FAT1: variants seen among roughly 807,000 people sequenced by gnomAD.
FAT1 encodes FAT atypical cadherin 1, also known as protocadherin Fat 1.
FAT1 carries 171 observed loss-of-function variants against 329.8 expected under a neutral mutation model. The observed-to-expected ratio is 0.52, with a 90% CI of 0.46 to 0.59. FAT1 has a LOEUF of 0.59. Among genes scored for constraint, FAT1 ranks in the 20% least tolerant of loss-of-function variants. The probability of loss-of-function intolerance (pLI) is 0.00; values close to 1 mark genes in which losing one functional copy is unlikely to be tolerated. For missense variants in FAT1, 5,672 were observed against 5,774.4 expected (o/e 0.98, Z 0.57); for synonymous variants, 2,233 against 2,228.6 (o/e 1.00, Z -0.06).
Position 186,609,790 on chromosome 4 carries a change from A to C in FAT1, c.10068+11T>G. The C allele has an allele frequency of 6.3e-7, 1 of 1,597,122 alleles. No individual in the cohort carries two copies. The highest frequency in any genetic ancestry group is 8.6e-7 in the Non-Finnish European group (1 of 1,164,590). ...ACACAGTTTTCACTGTAATGGGGAAAAAATACACACCGTGATGACAGACTG... is the reference window on the plus strand; with the variant it reads ...ACACAGTTTTCACTGTAATGGGGAACAAATACACACCGTGATGACAGACTG... On this transcript the variant is annotated intron_variant, in intron 15 of 26. Coordinates refer to ENST00000441802, the MANE Select transcript of FAT1 (RefSeq NM_005245.4).
intron 2 of FAT1, among the ~76,000 whole-genome samples, chr4:186,681,157 T>C (rs539346625): frequency 3.6e-4 from 55 of 152,314 alleles, no homozygotes; most frequent in Admixed American, 1.8e-3. Flanking sequence ...TAATCAACCA[T>C]CCTTACAGCA....
rs777409127 is a variant in FAT1, at chr4:186,620,412, C to T, written c.6174G>A (p.Lys2058=). The change falls in exon 10 of 27, where the codon AAG becomes AAA. Residue 2058 remains lysine (K), a synonymous_variant. Coordinates refer to ENST00000441802, the MANE Select transcript of FAT1 (RefSeq NM_005245.4). ...CGACAACGTGGGCCACTGCAGAAGG[C>T]TTATGTTCCTCTGTCACTTCTACAA... The part of the protein sequence containing the change: ...DVVVEVTEEH[K]PSAVAHVVVK... 4.0e-5 allele frequency: 65 copies of T among 1,613,934 alleles called. No homozygotes were observed. The highest frequency in any genetic ancestry group is 5.0e-5 in the Non-Finnish European group (59 of 1,179,908).
intron 3 of FAT1, among the ~76,000 whole-genome samples, chr4:186,659,274 G>A (rs1560972528): frequency 1.3e-5 from 2 of 152,162 alleles, no homozygotes; most frequent in Admixed American, 1.3e-4. Flanking sequence ...AAAATCGCCT[G>A]ATGACACGTT....
intron 16 of FAT1, 43 bp from the exon 17 acceptor site, chr4:186,606,256 C>T (rs1396065174): frequency 6.2e-7 from 1 of 1,605,278 alleles, no homozygotes; most frequent in Admixed American, 1.7e-5. Context: ...TTTCACAAGG[C>T]CGACAGAGCT....
chr4:186,619,760 T>C lies in FAT1; in HGVS notation c.6826A>G (p.Ile2276Val), dbSNP rs746051277. 6.8e-6 allele frequency: 11 copies of C among 1,613,918 alleles called. No homozygotes were observed. The highest frequency in any genetic ancestry group is 1.1e-5 in the South Asian group (1 of 91,084). ...EVFVDIIVDD[I>V]NDNPPVFAQQ... Reference sequence around the variant, plus strand: ...GCAAACACAGGAGGGTTATCATTGATGTCGTCTACTATGATGTCCACAAAT... The same window carrying C: ...GCAAACACAGGAGGGTTATCATTGACGTCGTCTACTATGATGTCCACAAAT... Residue 2276 changes from isoleucine to valine, a missense_variant, in exon 10 of 27, where the codon ATC becomes GTC. Around this residue, in one of 2 missense-constraint regions of FAT1, gnomAD observed 3,966 missense variants for 3,915.2 expected, o/e 1.01. Coordinates refer to ENST00000441802, the MANE Select transcript of FAT1 (RefSeq NM_005245.4).
chr4:186,613,147 G>A lies in FAT1; in HGVS notation c.9425C>T (p.Thr3142Met), dbSNP rs753059895. ...TGTGGCCTGCACTCTTGTCAGCAGC[G>A]TTCCCGGCTCTGTGTTTTCAAACAC... The part of the protein sequence containing the change: ...ITVFENTEPG[T>M]LLTRVQATDA... The change falls in exon 13 of 27, where the codon ACG (threonine) becomes ATG (methionine). Residue 3142 changes from threonine to methionine, a missense_variant. By Grantham distance (81) the Thr-to-Met change is moderately conservative (BLOSUM62 -1). Coordinates refer to ENST00000441802, the MANE Select transcript of FAT1 (RefSeq NM_005245.4). The A allele has an allele frequency of 2.8e-5, 45 of 1,613,156 alleles. No individual in the cohort carries two copies. The highest frequency in any genetic ancestry group is 3.3e-5 in the Non-Finnish European group (39 of 1,179,836).
At position 186,615,143 on chromosome 4, in the gene FAT1, T is replaced by G. The variant is rs182258639; in HGVS notation, c.9076-799A>C. Among the ~76,000 whole-genome samples the G allele has an allele frequency of 3.0e-4, 45 of 152,146 alleles. No individual in the cohort carries two copies. In the East Asian group the frequency reaches 7.3e-3, roughly 25 times the overall value. On this transcript the variant is annotated intron_variant, in intron 11 of 26. Coordinates refer to ENST00000441802, the MANE Select transcript of FAT1 (RefSeq NM_005245.4). ...ATTTAAAGGATCTAGTGTCCCAGTC[T>G]TATTCCTGAAGATGATAGAGTATTG...
At position 186,603,837 on chromosome 4, in the gene FAT1, G is replaced by A. The variant is rs779298419; in HGVS notation, c.10689C>T (p.Val3563=). ...GGTCTGTGGCATGGATCTTCCCAAT[G>A]ACGCCACCTGAGTATTCTTCTCCAG... is the stretch of plus-strand genomic sequence containing the variant. ...TSSGEEYSGG[V]IGKIHATDQD... Residue 3563 remains valine (V), a synonymous_variant, in exon 19 of 27, where the codon GTC becomes GTT. Coordinates refer to ENST00000441802, the MANE Select transcript of FAT1 (RefSeq NM_005245.4). 3.1e-6 allele frequency: 5 copies of A among 1,613,930 alleles called. No homozygotes were observed. The South Asian group carries it at 3.3e-5, about 11-fold the overall frequency.
chr4:186,613,723 T>C (rs1185522009), intron 12 of FAT1, among the ~76,000 whole-genome samples: 1 of 152,260 alleles, frequency 6.6e-6, no homozygotes, highest in African/African-American at 2.4e-5. Context: ...GAAACTTAGT[T>C]GATCCCAATT....
chr4:186,688,039 T>C (rs1279078594), intron 2 of FAT1, among the ~76,000 whole-genome samples: 58 of 151,798 alleles, frequency 3.8e-4, no homozygotes, highest in Admixed American at 3.8e-3. Flanking sequence ...ACTGCCTTTT[T>C]ATTGGAAATA....
In FAT1 at chr4:186,636,051, C is replaced by T; in HGVS notation, c.4157G>A (p.Gly1386Asp). The T allele has an allele frequency of 6.2e-7, 1 of 1,613,916 alleles. No individual in the cohort carries two copies. The change falls in exon 6 of 27, where the codon GGC becomes GAC. Residue 1386 changes from glycine (G) to aspartate (D), a missense_variant. Physicochemically the swap from Gly to Asp is moderately conservative, Grantham distance 94 (BLOSUM62 -1). Coordinates refer to ENST00000441802, the MANE Select transcript of FAT1 (RefSeq NM_005245.4). Reference sequence around the variant, plus strand: ...AGTGATGTCAAACCAAAGGGGTATGCCAGGAGGCTCCACAGATATTACTCC... The same window carrying T: ...AGTGATGTCAAACCAAAGGGGTATGTCAGGAGGCTCCACAGATATTACTCC... ...MIGVISVEPP[G>D]IPLWFDITGG...
In FAT1 at chr4:186,706,852, C is replaced by T. The variant is rs1265969389; in HGVS notation, c.2976G>A (p.Glu992=). The T allele has an allele frequency of 6.2e-7, 1 of 1,613,876 alleles. No individual in the cohort carries two copies. Among genetic ancestry groups the T allele is most frequent in the Non-Finnish European group, 8.5e-7 (1 of 1,179,908 alleles). ...CAGTGAGATTATACACTTGCTTCTT[C>T]TCAAAGTCCAACTGCTGGACGATCC... ...AVRIVQQLDF[E]KKQVYNLTVR... Residue 992 remains glutamate (E), a synonymous_variant, in exon 2 of 27, where the codon GAG becomes GAA. Transcript: ENST00000441802.
chr4:186,634,830 C>T (rs900938884), intron 6 of FAT1, among the ~76,000 whole-genome samples: 6 of 152,166 alleles, frequency 3.9e-5, no homozygotes, highest in Admixed American at 6.5e-5. Context: ...GAAGCAAGCG[C>T]GCATGGAAAG....
rs2126381817 is a variant in FAT1, at chr4:186,595,679, G to A, written c.13138+10C>T. ...GCAAAGCGCAGTGTTGCAGCACACTGCTGCCTCACCATTGTCATCGCACGA... is the reference window on the plus strand; with the variant it reads ...GCAAAGCGCAGTGTTGCAGCACACTACTGCCTCACCATTGTCATCGCACGA... On this transcript the variant is annotated intron_variant, in intron 26 of 26. Coordinates refer to ENST00000441802, the MANE Select transcript of FAT1 (RefSeq NM_005245.4). 6.2e-7 allele frequency: 1 copy of A among 1,613,648 alleles called. No individual in the cohort carries two copies. Among genetic ancestry groups the A allele is most frequent in the Non-Finnish European group, 8.5e-7 (1 of 1,179,772 alleles).
In FAT1 at chr4:186,620,622, C is replaced by T. The variant is rs1739993743; in HGVS notation, c.5964G>A (p.Val1988=). ...TTTCGGCCTCGGTGGAATTCTCTTT[C>T]ACTACCGCAGAGTAGACATCCTGGG... The part of the protein sequence containing the change: ...KFTQDVYSAV[V]KENSTEAETL... Residue 1988 remains valine, a synonymous_variant, in exon 10 of 27, where the codon GTG becomes GTA. Coordinates refer to ENST00000441802, the MANE Select transcript of FAT1 (RefSeq NM_005245.4). The T allele has an allele frequency of 6.2e-7, 1 of 1,613,864 alleles. No individual in the cohort carries two copies. Among genetic ancestry groups the T allele is most frequent in the South Asian group, 1.1e-5 (1 of 91,080 alleles).
intron 1 of FAT1, among the ~76,000 whole-genome samples, chr4:186,718,244 A>C (rs1161086561): frequency 6.6e-6 from 1 of 152,168 alleles, no homozygotes; most frequent in African/African-American, 2.4e-5. Context: ...ACACCTCAGA[A>C]GAGATGCCAC....
At position 186,604,552 on chromosome 4, in the gene FAT1, C is replaced by A; in HGVS notation, c.10373G>T (p.Ser3458Ile). 1 of 1,609,904 alleles carries A rather than the reference C, an allele frequency of 6.2e-7. No homozygotes were observed. Among genetic ancestry groups the A allele is most frequent in the East Asian group, 2.2e-5 (1 of 44,858 alleles). The change falls in exon 18 of 27, where the codon AGC becomes ATC. Residue 3458 changes from serine to isoleucine, a missense_variant. By Grantham distance (142) the Ser-to-Ile change is moderately radical (BLOSUM62 -2). Coordinates refer to ENST00000441802, the MANE Select transcript of FAT1 (RefSeq NM_005245.4). ...ATCTGTTACTACCAGCTGCAGCACG[C>A]TGAAGCCCACTGGCTTATTTTCCTG... The part of the protein sequence containing the change: ...IIQENKPVGF[S>I]VLQLVVTDED...
rs2126496075 is a variant in FAT1 at position 186,618,506 on chromosome 4, G to A, written c.8080C>T (p.Leu2694Phe). 4.3e-6 allele frequency: 7 copies of A among 1,614,030 alleles called. No homozygotes were observed. The highest frequency in any genetic ancestry group is 5.9e-6 in the Non-Finnish European group (7 of 1,179,896). Residue 2694 changes from leucine to phenylalanine, a missense_variant, in exon 10 of 27, where the codon CTT becomes TTT. Coordinates refer to ENST00000441802, the MANE Select transcript of FAT1 (RefSeq NM_005245.4). ...TTTGGAAGCTGCATTTCCGGTGGAA[G>A]GATTTTAACATAGACAAGAACAACA... ...ESVVLVYVKILPPEMQLPKFS... is the reference protein window; with the variant it reads ...ESVVLVYVKIFPPEMQLPKFS...
rs1416685752 is a variant in FAT1 at position 186,638,703 on chromosome 4, A to G, written c.3642+1019T>C. Among the ~76,000 whole-genome samples, 3 of 152,168 alleles carry G rather than the reference A, an allele frequency of 2.0e-5. No individual in the cohort carries two copies. The East Asian group carries it at 5.8e-4, about 29-fold the overall frequency. On this transcript the variant is annotated intron_variant, in intron 4 of 26. Coordinates refer to ENST00000441802, the MANE Select transcript of FAT1 (RefSeq NM_005245.4). ...CTGACAACGTTAAGAAAATTTGACC[A>G]AGGATAAAATGAAATTAAGCAGGCA...
Sources: gnomAD v4.1 joint callset for allele counts (sites outside exome capture counted in the v4.1 genomes callset) on GRCh38, gnomAD v4.1.1 for gene constraint, gnomAD v4.1.1 regional missense constraint, MANE v1.5 for transcripts, NCBI Gene and HGNC (gene_info 2026-07-23, HGNC 2026-07-21) for gene names.